The following RASAL2 variants were observed in gnomAD, a reference collection of about 807,000 sequenced individuals.
RASAL2 encodes the protein RAS protein activator like 2, also known as ras GTPase-activating protein nGAP.
Under a neutral mutation model 128.9 loss-of-function variants are expected in RASAL2, and 58 were observed. That is an observed-to-expected ratio of 0.45 (90% CI 0.36 to 0.56). The LOEUF (loss-of-function observed/expected upper bound fraction) is 0.56, where lower values mean the gene tolerates loss of function less well. Among genes scored for constraint, RASAL2 ranks in the 20% least tolerant of loss-of-function variants. The pLI, the probability that RASAL2 is intolerant of heterozygous loss-of-function variation, is 0.00. For synonymous variants in RASAL2, 561 were observed against 580.8 expected, an observed-to-expected ratio of 0.97 and a Z score of 0.49; for missense variants, 1,360 against 1,601.6, an observed-to-expected ratio of 0.85 and a Z score of 2.57.
intron 1 of RASAL2, among the ~76,000 whole-genome samples, chr1:178,257,827 T>TGA (rs1665447324): frequency 7.8e-6 from 1 of 127,928 alleles, no homozygotes; most frequent in African/African-American, 2.9e-5. Flanking sequence ...GGCAACAGAG[T>TGA]GAGACCCTGT....
intron 5 of RASAL2, among the ~76,000 whole-genome samples, chr1:178,431,667 CTT>C (rs1333212067): frequency 6.6e-6 from 1 of 151,784 alleles, no homozygotes; most frequent in Non-Finnish European, 1.5e-5. Flanking sequence ...AAAAAGGAAA[CTT>C]AGATGGTCAT....
At chr1:178,180,661 T>TCACACACACACACACACACACACA (rs1455344116) in intron 1 of RASAL2, among the ~76,000 whole-genome samples, 3 of 6,744 alleles carry the variant, frequency 4.4e-4, no homozygotes, top group South Asian at 6.1e-3. Flanking sequence ...AGCGAGACTG[T>TCACACACACACACACACACACACA]CTCACACACA....
chr1:178,368,688 A>G (rs748513536), intron 3 of RASAL2, among the ~76,000 whole-genome samples: 2 of 151,448 alleles, frequency 1.3e-5, no homozygotes, highest in African/African-American at 4.9e-5. Context: ...CCTAGACTGC[A>G]GCACAGTGGC....
intron 17 of RASAL2, among the ~76,000 whole-genome samples, chr1:178,470,196 A>G (rs1001538803): frequency 2.0e-5 from 3 of 152,218 alleles, no homozygotes; most frequent in African/African-American, 7.2e-5. Context: ...TAGAATGAAG[A>G]CGTGTTTGGG....
chr1:178,444,035 T>C (rs1189089424), intron 8 of RASAL2, among the ~76,000 whole-genome samples: 2 of 152,188 alleles, frequency 1.3e-5, no homozygotes, highest in South Asian at 4.1e-4. Context: ...TTTAGTCTCT[T>C]ATCTGGCTTC....
chr1:178,424,105 C>T (rs879553822), intron 5 of RASAL2, among the ~76,000 whole-genome samples: 2 of 152,004 alleles, frequency 1.3e-5, no homozygotes, highest in Non-Finnish European at 2.9e-5. Context: ...TTATGATACT[C>T]TGCAAATTAC....
At chr1:178,111,486 G>T (rs1354288765) in intron 1 of RASAL2, among the ~76,000 whole-genome samples, 1 of 152,106 alleles carries the variant, frequency 6.6e-6, no homozygotes, top group Admixed American at 6.5e-5. Flanking sequence ...TGTGTGGCAG[G>T]TTCCATTATC....
At chr1:178,149,750 A>T (rs756604640) in intron 1 of RASAL2, among the ~76,000 whole-genome samples, 8 of 152,160 alleles carry the variant, frequency 5.3e-5, no homozygotes, top group Non-Finnish European at 1.2e-4. Context: ...GGCAGATTTG[A>T]TCAAATAATG....
At chr1:178,113,474 T>TTGTGTA (rs770057511) in intron 1 of RASAL2, among the ~76,000 whole-genome samples, 117 of 150,044 alleles carry the variant, frequency 7.8e-4, no homozygotes, top group Non-Finnish European at 1.3e-3. Flanking sequence ...CAGGCTGATT[T>TTGTGTA]TGTGTATGTG....
At chr1:178,172,817 A>G (rs1269471540) in intron 1 of RASAL2, among the ~76,000 whole-genome samples, 1 of 152,124 alleles carries the variant, frequency 6.6e-6, no homozygotes, top group African/African-American at 2.4e-5. Context: ...TGGCAGCTCA[A>G]ATACCACAAA....
chr1:178,139,456 A>G lies in RASAL2; in HGVS notation c.202+44762A>G, dbSNP rs113246423. 2.6e-3 allele frequency among the ~76,000 whole-genome samples: 396 copies of G among 152,182 alleles called. 1 individual carries two copies. Among genetic ancestry groups the G allele is most frequent in the Non-Finnish European group, 4.8e-3 (326 of 67,910 alleles). On this transcript the variant is annotated intron_variant, in intron 1 of 17. Transcript: ENST00000367649. ...TATATACTGTTTCTGACTTAAAAGT[A>G]GACAATTTCAGAGTGATAACAGTGT... is the stretch of plus-strand genomic sequence containing the variant.
chr1:178,309,376 T>C (rs1169684540), intron 3 of RASAL2, among the ~76,000 whole-genome samples: 3 of 152,190 alleles, frequency 2.0e-5, no homozygotes, highest in Non-Finnish European at 4.4e-5. Context: ...CATTAATAGA[T>C]GGCAGTGATA....
intron 16 of RASAL2, 25 bp from the exon 17 acceptor site, chr1:178,467,309 A>G (rs770008723): frequency 1.9e-6 from 3 of 1,596,290 alleles, no homozygotes; most frequent in Non-Finnish European, 2.6e-6. Context: ...GAAGATGTTG[A>G]TATTTCCTTC....
At chr1:178,350,077 C>T (rs1450638875) in intron 3 of RASAL2, among the ~76,000 whole-genome samples, 1 of 152,224 alleles carries the variant, frequency 6.6e-6, no homozygotes, top group Admixed American at 6.5e-5. Context: ...GAGCAATCTT[C>T]TTCACTAGTT....
chr1:178,264,780 G>T (rs1277874335), intron 1 of RASAL2, among the ~76,000 whole-genome samples: 1 of 152,132 alleles, frequency 6.6e-6, no homozygotes, highest in Admixed American at 6.5e-5. Flanking sequence ...CTATTACATA[G>T]ATATGATTGA....
chr1:178,212,268 A>G (rs1175054798), intron 1 of RASAL2, among the ~76,000 whole-genome samples: 2 of 152,222 alleles, frequency 1.3e-5, no homozygotes, highest in Admixed American at 6.5e-5. Context: ...ATATTTAAGG[A>G]ATGAATTACA....
intron 1 of RASAL2, among the ~76,000 whole-genome samples, chr1:178,097,981 A>G (rs1016908281): frequency 2.6e-5 from 4 of 152,246 alleles, no homozygotes; most frequent in Non-Finnish European, 5.9e-5. Context: ...TTAGAACACA[A>G]ACTAATGCAC....
chr1:178,269,205 G>A (rs1481998361), intron 1 of RASAL2, among the ~76,000 whole-genome samples: 1 of 152,226 alleles, frequency 6.6e-6, no homozygotes, highest in Non-Finnish European at 1.5e-5. Context: ...GTGGCCATCT[G>A]TAAGCCAAGA....
chr1:178,432,827 C>T (rs985418081), intron 5 of RASAL2, among the ~76,000 whole-genome samples: 12 of 152,222 alleles, frequency 7.9e-5, no homozygotes, highest in African/African-American at 2.9e-4. Context: ...ACTCAGATTA[C>T]TACCATAATC....
Sources: allele counts gnomAD v4.1 joint callset (sites outside exome capture counted in the v4.1 genomes callset), GRCh38; gene constraint gnomAD v4.1.1; transcripts MANE v1.5; gene names NCBI Gene and HGNC (gene_info 2026-07-23, HGNC 2026-07-21).